ZBTB49: variants seen among roughly 807,000 people sequenced by gnomAD.
ZBTB49 encodes the protein zinc finger and BTB domain containing 49, also known as zinc finger and BTB domain-containing protein 49.
In ZBTB49, 43 loss-of-function variants were observed where a neutral mutation model predicts 57.5. The ratio of observed to expected loss-of-function variants is 0.75; its 90% CI spans 0.59 to 0.97. ZBTB49 has a LOEUF of 0.97. Among genes scored for constraint, ZBTB49 ranks in the 50% least tolerant of loss-of-function variants. The pLI, the probability that ZBTB49 is intolerant of heterozygous loss-of-function variation, is 0.00. For synonymous variants in ZBTB49, 369 were observed against 362.1 expected, an observed-to-expected ratio of 1.02 and a Z score of -0.22; for missense variants, 938 against 947.7, an observed-to-expected ratio of 0.99 and a Z score of 0.13.
chr4:4,320,076 A>G (rs1721344543), intron 7 of ZBTB49, among the ~76,000 whole-genome samples: 1 of 152,150 alleles, frequency 6.6e-6, no homozygotes, highest in Admixed American at 6.5e-5. Context: ...AAACACCCGA[A>G]TACACAAACA....
In ZBTB49 at chr4:4,305,185, A is replaced by G. The variant is rs567724117; in HGVS notation, c.1256-953A>G. 2.6e-5 allele frequency among the ~76,000 whole-genome samples: 4 copies of G among 151,734 alleles called. No individual in the cohort carries two copies. In the South Asian group the frequency reaches 8.3e-4, roughly 31 times the overall value. On this transcript the variant is annotated intron_variant, in intron 3 of 7. Transcript: ENST00000337872. ...ATTATTAATATAAATATAATTATTC[A>G]GGGTCAAGGAAGCCATTAGACATTT...
Position 4,302,961 on chromosome 4 carries a change from G to T in ZBTB49, c.1125G>T (p.Arg375Ser). 1.2e-6 allele frequency: 2 copies of T among 1,614,194 alleles called. No homozygotes were observed. Among genetic ancestry groups the T allele is most frequent in the Non-Finnish European group, 1.7e-6 (2 of 1,180,040 alleles). Residue 375 changes from arginine to serine, a missense_variant, in exon 3 of 8, where the codon AGG becomes AGT. Around this residue, in one of 3 missense-constraint regions of ZBTB49, gnomAD observed 835 missense variants for 819.1 expected, o/e 1.02. Transcript: ENST00000337872. ...ENFNCISETE[R>S]PEDPAALEDQ... ...TTAATTGCATTAGTGAGACGGAGAG[G>T]CCTGAAGACCCGGCTGCCCTGGAAG...
Position 4,302,022 on chromosome 4 carries a change from T to G in ZBTB49, c.186T>G (p.Asn62Lys), listed in dbSNP as rs769004856. Residue 62 changes from asparagine (N) to lysine (K), a missense_variant, in exon 3 of 8, where the codon AAT becomes AAG. This residue lies in a region of ZBTB49 where 100 missense variants were observed against 112.5 expected (regional missense o/e 0.89). Transcript: ENST00000337872. ...SLFQNSSSQK[N>K]DVFHLDVKNV... ...TTCAGAATTCTTCAAGCCAGAAGAA[T>G]GATGTTTTTCACTTGGATGTTAAAA... The G allele has an allele frequency of 6.3e-7, 1 of 1,584,346 alleles. No homozygotes were observed. The highest frequency in any genetic ancestry group is 8.6e-7 in the Non-Finnish European group (1 of 1,162,874).
rs1720726671 is a variant in ZBTB49 at position 4,306,178 on chromosome 4, C to T, written c.1296C>T (p.Phe432=). 2 of 1,612,572 alleles carry T rather than the reference C, an allele frequency of 1.2e-6. No homozygotes were observed. Among genetic ancestry groups the T allele is most frequent in the African/African-American group, 1.3e-5 (1 of 74,884 alleles). The change falls in exon 4 of 8, where the codon TTC becomes TTT. Residue 432 remains phenylalanine (F), a synonymous_variant. Transcript: ENST00000337872. ...PFECNICGKH[F]SQAGNLQTHL... is the part of the protein sequence containing the mutation. The stretch of plus-strand genomic sequence containing the variant: ...AATGTAACATTTGTGGGAAACATTT[C>T]TCTCAGGTGGGAATACTCTTATTTA...
intron 1 of ZBTB49, among the ~76,000 whole-genome samples, chr4:4,296,196 A>G (rs1720192381): frequency 6.6e-6 from 1 of 152,224 alleles, no homozygotes; most frequent in African/African-American, 2.4e-5. Flanking sequence ...CCACATTGCC[A>G]TGTGTGGCAG....
Position 4,297,260 on chromosome 4 carries a change from G to A in ZBTB49, c.-19-2667G>A, listed in dbSNP as rs191288253. Among the ~76,000 whole-genome samples the A allele has an allele frequency of 1.7e-3, 266 of 152,194 alleles. 4 individuals carry two copies. Among genetic ancestry groups the A allele is most frequent in the Admixed American group, 0.015 (233 of 15,278 alleles). ...TAATTTTTGTATTTTTGTAGAAACA[G>A]GGTTTCACCATGTTGGCCAGGCTGG... On this transcript the variant is annotated intron_variant, in intron 1 of 7. Coordinates refer to ENST00000337872, the MANE Select transcript of ZBTB49 (RefSeq NM_145291.4).
At chr4:4,316,391 G>C (rs1051790699) in intron 7 of ZBTB49, among the ~76,000 whole-genome samples, 1 of 152,168 alleles carries the variant, frequency 6.6e-6, no homozygotes, top group Non-Finnish European at 1.5e-5. Flanking sequence ...CTTTATTCTC[G>C]TGGGCACTTG....
At position 4,321,285 on chromosome 4, in the gene ZBTB49, C is replaced by A; in HGVS notation, c.2267C>A (p.Thr756Lys). 6.2e-7 allele frequency: 1 copy of A among 1,613,114 alleles called. No homozygotes were observed. The highest frequency in any genetic ancestry group is 8.5e-7 in the Non-Finnish European group (1 of 1,180,018). ...ACTCTCTGGGGGCTAGCGATGAAGACGCTGCAGAATGAAAACGAGTTAGAC... is the reference window on the plus strand; with the variant it reads ...ACTCTCTGGGGGCTAGCGATGAAGAAGCTGCAGAATGAAAACGAGTTAGAC... ...SMTLWGLAMK[T>K]LQNENELDQ The change falls in exon 8 of 8, where the codon ACG becomes AAG. Residue 756 changes from threonine (T) to lysine (K), a missense_variant. Physicochemically the swap from Thr to Lys is moderately conservative, Grantham distance 78. Transcript: ENST00000337872.
chr4:4,320,805 TGGA>T lies in ZBTB49; in HGVS notation c.1792_1794del (p.Glu598del). 6.2e-7 allele frequency: 1 copy of T among 1,614,194 alleles called. No homozygotes were observed. The highest frequency in any genetic ancestry group is 8.5e-7 in the Non-Finnish European group (1 of 1,180,032). On this transcript the variant is annotated inframe_deletion, in exon 8 of 8. Coordinates refer to ENST00000337872, the MANE Select transcript of ZBTB49 (RefSeq NM_145291.4). ...GCTGGTGACGAGAGCCCAGATGTGCTGGAGGAGCTCAGCCAAGCCATCGAGACC... is the reference window on the plus strand; with the variant it reads ...GCTGGTGACGAGAGCCCAGATGTGCTGGAGCTCAGCCAAGCCATCGAGACC...
chr4:4,299,114 G>C (rs1314543835), intron 1 of ZBTB49, among the ~76,000 whole-genome samples: 1 of 152,070 alleles, frequency 6.6e-6, no homozygotes. Flanking sequence ...CGCAGGCCTG[G>C]GCATGACCTG....
rs1284230316 is a variant in ZBTB49, at chr4:4,302,217, C to T, written c.381C>T (p.Gly127=). Residue 127 remains glycine, a synonymous_variant, in exon 3 of 8, where the codon GGC becomes GGT. Transcript: ENST00000337872. ...LKSATVVQPP[G]MPCNSTLSLQ... is the part of the protein sequence containing the mutation. ...CAGCCACTGTAGTACAGCCACCTGG[C>T]ATGCCTTGTAATAGTACATTGTCTC... 7 of 1,614,256 alleles carry T rather than the reference C, an allele frequency of 4.3e-6. No individual in the cohort carries two copies. Among genetic ancestry groups the T allele is most frequent in the Non-Finnish European group, 5.9e-6 (7 of 1,180,052 alleles).
At chr4:4,307,773 C>T (rs1720803257) in intron 4 of ZBTB49, among the ~76,000 whole-genome samples, 1 of 151,936 alleles carries the variant, frequency 6.6e-6, no homozygotes, top group Non-Finnish European at 1.5e-5. Flanking sequence ...GCAATTGCGA[C>T]TTCTCTGGGC....
chr4:4,303,145 G>A (rs1419215480), intron 3 of ZBTB49, 54 bp downstream of exon 3: 16 of 1,490,010 alleles, frequency 1.1e-5, no homozygotes, highest in South Asian at 1.5e-5. Flanking sequence ...CGGATGCTCA[G>A]ACACCACTGG....
chr4:4,314,088 C>G (rs1375935289), intron 5 of ZBTB49, among the ~76,000 whole-genome samples: 1 of 152,218 alleles, frequency 6.6e-6, no homozygotes, highest in Non-Finnish European at 1.5e-5. Flanking sequence ...GGAAGCGACT[C>G]TCGATTCAGT....
At chr4:4,295,748 A>G (rs1720167484) in intron 1 of ZBTB49, among the ~76,000 whole-genome samples, 1 of 152,060 alleles carries the variant, frequency 6.6e-6, no homozygotes, top group African/African-American at 2.4e-5. Context: ...TTTGATCTCA[A>G]ACCAGGAGAT....
At chr4:4,309,499 C>T (rs949336734) in intron 4 of ZBTB49, among the ~76,000 whole-genome samples, 4 of 152,168 alleles carry the variant, frequency 2.6e-5, no homozygotes, top group African/African-American at 7.2e-5. Flanking sequence ...GAAAATGCGG[C>T]GTAATTACCT....
chr4:4,291,601 G>A (rs916246756), intron 1 of ZBTB49, among the ~76,000 whole-genome samples: 3 of 152,218 alleles, frequency 2.0e-5, no homozygotes, highest in Admixed American at 1.3e-4. Flanking sequence ...GGGTGCTCAA[G>A]ATGTTTTTTG....
At chr4:4,310,511 ATTT>A (rs66523167) in intron 4 of ZBTB49, among the ~76,000 whole-genome samples, 1 of 141,332 alleles carries the variant, frequency 7.1e-6, no homozygotes, top group Non-Finnish European at 1.5e-5. Flanking sequence ...ACTTGCTAGA[ATTT>A]TTTTTTTTTT....
At chr4:4,314,993 T>C (rs774017490) in intron 5 of ZBTB49, among the ~76,000 whole-genome samples, 1 of 152,244 alleles carries the variant, frequency 6.6e-6, no homozygotes, top group Non-Finnish European at 1.5e-5. Flanking sequence ...TTGTTCTCAA[T>C]GTTAGGACTG....
Sources: allele counts gnomAD v4.1 joint callset (sites outside exome capture counted in the v4.1 genomes callset), GRCh38; gene constraint gnomAD v4.1.1; regional missense constraint gnomAD v4.1.1; transcripts MANE v1.5; gene names NCBI Gene and HGNC (gene_info 2026-07-23, HGNC 2026-07-21).